The following ABCA4 variants were observed in gnomAD, a reference collection of about 807,000 sequenced individuals.
ABCA4 encodes the protein retinal-specific phospholipid-transporting ATPase ABCA4.
ABCA4 carries 196 observed loss-of-function variants against 263.7 expected under a neutral mutation model. That is an observed-to-expected ratio of 0.74 (90% CI 0.66 to 0.84). The LOEUF (loss-of-function observed/expected upper bound fraction) is 0.84, where lower values mean the gene tolerates loss of function less well. Ranked by LOEUF, ABCA4 falls within the 40% of genes least tolerant of loss-of-function variation. ABCA4 has a pLI of 0.00. For synonymous variants in ABCA4, 1,133 were observed against 1,094.2 expected, an observed-to-expected ratio of 1.04 and a Z score of -0.70; for missense variants, 2,792 against 2,855.1, an observed-to-expected ratio of 0.98 and a Z score of 0.50.
intron 22 of ABCA4, 46 bp downstream of exon 22, chr1:94,042,715 G>T: frequency 1.2e-6 from 2 of 1,613,726 alleles, no homozygotes; most frequent in South Asian, 2.2e-5. Context: ...CCACAGCTAG[G>T]GCTGCAGTGA....
intron 27 of ABCA4, 138 bp downstream of exon 27, chr1:94,031,640 A>G (rs1490604919): frequency 1.7e-6 from 2 of 1,207,816 alleles, no homozygotes; most frequent in African/African-American, 1.5e-5. Context: ...TTTGGAAAGC[A>G]GGAAACAAAA....
At chr1:94,089,625 T>C (rs1243976468) in intron 6 of ABCA4, among the ~76,000 whole-genome samples, 4 of 152,094 alleles carry the variant, frequency 2.6e-5, no homozygotes, top group African/African-American at 9.7e-5. Context: ...CACATCTGGC[T>C]AATTTTTGTA....
chr1:94,042,885 T>C lies in ABCA4; in HGVS notation c.3204A>G (p.Arg1068=), dbSNP rs749704079. ...CAAAGGCAATGGCAACCGACAGCTT[T>C]CTCTGCATGCCACCTGGAGGCACAA... ...EAQDLSGGMQ[R]KLSVAIAFVG... The change falls in exon 22 of 50, where the codon AGA becomes AGG. Residue 1068 remains arginine, a synonymous_variant. Transcript: ENST00000370225. 2.8e-5 allele frequency: 46 copies of C among 1,614,064 alleles called. No individual in the cohort carries two copies. The highest frequency in any genetic ancestry group is 4.4e-5 in the South Asian group (4 of 91,086).
At chr1:94,089,263 T>C (rs576337997) in intron 6 of ABCA4, among the ~76,000 whole-genome samples, 2 of 152,234 alleles carry the variant, frequency 1.3e-5, no homozygotes, top group Non-Finnish European at 2.9e-5. Flanking sequence ...TTTTAAGCAA[T>C]CATTGTGAAT....
intron 11 of ABCA4, among the ~76,000 whole-genome samples, chr1:94,072,514 G>A (rs936889525): frequency 6.6e-6 from 1 of 152,194 alleles, no homozygotes; most frequent in Admixed American, 6.5e-5. Context: ...GGGGAGGGGT[G>A]TGTATGCTTG....
intron 2 of ABCA4, among the ~76,000 whole-genome samples, chr1:94,112,485 A>G (rs1163242640): frequency 3.9e-5 from 6 of 152,390 alleles, no homozygotes; most frequent in Admixed American, 3.9e-4. Flanking sequence ...GTATTTGCTT[A>G]GAATGTGTAG....
In ABCA4 at chr1:94,053,361, A is replaced by C. The variant is rs537945876; in HGVS notation, c.2588-1663T>G. On this transcript the variant is annotated intron_variant, in intron 16 of 49. Transcript: ENST00000370225. ...ATTCAATTGAATTCTTGGACAACCCATTAATATAGGAGAATTGGTTGGTGC... is the reference window on the plus strand; with the variant it reads ...ATTCAATTGAATTCTTGGACAACCCCTTAATATAGGAGAATTGGTTGGTGC... 2.0e-5 allele frequency among the ~76,000 whole-genome samples: 3 copies of C among 152,342 alleles called. No individual in the cohort carries two copies. In the South Asian group the frequency reaches 6.2e-4, roughly 32 times the overall value.
chr1:94,030,359 T>A, intron 29 of ABCA4, 69 bp downstream of exon 29: 1 of 1,430,386 alleles, frequency 7.0e-7, no homozygotes, highest in African/African-American at 1.4e-5. Context: ...ACGCCTGCCA[T>A]CTTGAACCCA....
intron 24 of ABCA4, 49 bp downstream of exon 24, chr1:94,039,994 G>T: frequency 6.8e-7 from 1 of 1,470,184 alleles, no homozygotes. Flanking sequence ...CAGCAATACT[G>T]GGAGATGGCT....
intron 14 of ABCA4, among the ~76,000 whole-genome samples, chr1:94,057,705 A>G (rs944742967): frequency 1.3e-5 from 2 of 152,232 alleles, no homozygotes; most frequent in East Asian, 3.8e-4. Context: ...CAATGAATCA[A>G]TCACTTTGGC....
At position 94,083,884 on chromosome 1, in the gene ABCA4, C is replaced by G. The variant is rs138843710; in HGVS notation, c.769-443G>C. On this transcript the variant is annotated intron_variant, in intron 6 of 49. Transcript: ENST00000370225. ...TGTTTACATCTTTCTTCCTTTGTGC[C>G]ATTTTCAGACAGGTTGTGTCTCTTC... Among the ~76,000 whole-genome samples the G allele has an allele frequency of 1.8e-3, 267 of 152,312 alleles. 2 individuals are homozygous for G. Among genetic ancestry groups the G allele is most frequent in the African/African-American group, 6.3e-3 (260 of 41,570 alleles).
At chr1:94,098,711 C>T (rs761715982) in intron 6 of ABCA4, 83 bp downstream of exon 6, 39 of 1,502,982 alleles carry the variant, frequency 2.6e-5, no homozygotes, top group African/African-American at 1.1e-4. Flanking sequence ...ACCAGGCTCA[C>T]GCCCTCCCCA....
At chr1:94,083,680 T>C (rs1339311971) in intron 6 of ABCA4, among the ~76,000 whole-genome samples, 1 of 152,196 alleles carries the variant, frequency 6.6e-6, no homozygotes, top group Non-Finnish European at 1.5e-5. Flanking sequence ...GTTTCATAGT[T>C]ATATTAAATA....
At chr1:94,088,881 T>C (rs748163719) in intron 6 of ABCA4, among the ~76,000 whole-genome samples, 9 of 152,238 alleles carry the variant, frequency 5.9e-5, no homozygotes, top group African/African-American at 1.9e-4. Flanking sequence ...GCCACACTCA[T>C]GTCTCCAGGG....
At chr1:94,066,597 G>A (rs1245688690) in intron 11 of ABCA4, among the ~76,000 whole-genome samples, 1 of 152,358 alleles carries the variant, frequency 6.6e-6, no homozygotes, top group Non-Finnish European at 1.5e-5. Context: ...TTCTTACTTG[G>A]CTGGTGAAGA....
intron 34 of ABCA4, 36 bp downstream of exon 34, chr1:94,021,604 T>C (rs1239283826): frequency 6.3e-7 from 1 of 1,577,474 alleles, no homozygotes; most frequent in African/African-American, 1.3e-5. Flanking sequence ...CAGGTAAATT[T>C]TTAGCTCCAG....
chr1:94,061,716 C>T (rs1043886336), intron 13 of ABCA4, among the ~76,000 whole-genome samples: 2 of 152,392 alleles, frequency 1.3e-5, no homozygotes, highest in Non-Finnish European at 2.9e-5. Context: ...CCTGGGCTTT[C>T]GCCCCTGGCT....
chr1:94,109,307 G>C (rs1662534664), intron 3 of ABCA4, among the ~76,000 whole-genome samples: 1 of 152,212 alleles, frequency 6.6e-6, no homozygotes, highest in Admixed American at 6.5e-5. Context: ...GGTGACATTG[G>C]TGGATATCAC....
At chr1:94,100,194 C>T (rs1264454081) in intron 5 of ABCA4, among the ~76,000 whole-genome samples, 2 of 152,152 alleles carry the variant, frequency 1.3e-5, no homozygotes, top group Non-Finnish European at 2.9e-5. Context: ...GACCATGAGT[C>T]GGTGTGGACA....
Sources: gnomAD v4.1 joint callset for allele counts (sites outside exome capture counted in the v4.1 genomes callset) on GRCh38, gnomAD v4.1.1 for gene constraint, MANE v1.5 for transcripts, NCBI Gene and HGNC (gene_info 2026-07-23, HGNC 2026-07-21) for gene names.